Variants in MS4A14 observed in about 807,000 individuals in gnomAD.
MS4A14 encodes the protein membrane spanning 4-domains A14.
A neutral mutation model predicts 16.7 loss-of-function variants in MS4A14; 18 were observed. That is an observed-to-expected ratio of 1.08 (90% CI 0.75 to 1.60). MS4A14 has a LOEUF of 1.60. Among genes scored for constraint, MS4A14 ranks in the 40% most tolerant of loss-of-function variants. The probability of loss-of-function intolerance (pLI) is 0.00; values close to 1 mark genes in which losing one functional copy is unlikely to be tolerated. For synonymous variants in MS4A14, 305 were observed against 289.4 expected, an observed-to-expected ratio of 1.05 and a Z score of -0.55; for missense variants, 812 against 775.3, an observed-to-expected ratio of 1.05 and a Z score of -0.56.
At chr11:60,413,216 T>TCCCATAGC (rs1344986452) in intron 4 of MS4A14, among the ~76,000 whole-genome samples, 1 of 151,904 alleles carries the variant, frequency 6.6e-6, no homozygotes, top group Non-Finnish European at 1.5e-5. Context: ...ACTTATTAGT[T>TCCCATAGC]CCCATAGCTT....
chr11:60,410,616 T>C (rs2085854648), intron 4 of MS4A14, among the ~76,000 whole-genome samples: 1 of 152,190 alleles, frequency 6.6e-6, no homozygotes, highest in South Asian at 2.1e-4. Flanking sequence ...AATGTTTGTA[T>C]ATGGTATAAG....
Position 60,415,789 on chromosome 11 carries a change from T to C in MS4A14, c.821T>C (p.Met274Thr). The C allele has an allele frequency of 6.2e-7, 1 of 1,613,740 alleles. No individual in the cohort carries two copies. ...CAGCTAGACTCTACATTTAAACAAA[T>C]GAAAGATGAAGATCTACAATCTGCT... ...SIQLDSTFKQ[M>T]KDEDLQSAIV... is the part of the protein sequence containing the mutation. The change falls in exon 5 of 5, where the codon ATG becomes ACG. Residue 274 changes from methionine to threonine, a missense_variant. Met to Thr is a moderately conservative substitution (Grantham distance 81). Transcript: ENST00000300187.
rs571961958 is a variant in MS4A14, at chr11:60,416,105, T to C, written c.1137T>C (p.Asp379=). The part of the protein sequence containing the change: ...DMLFHDMTSQ[D]MQSLDMLSQD... ...TGTTTCATGACATGACATCCCAAGA[T>C]ATGCAATCCCTAGATATGCTATCTC... is the stretch of plus-strand genomic sequence containing the variant. Residue 379 remains aspartate, a synonymous_variant, in exon 5 of 5, where the codon GAT becomes GAC. Transcript: ENST00000300187. 3.6e-5 allele frequency: 58 copies of C among 1,609,596 alleles called. No individual in the cohort carries two copies. Among genetic ancestry groups the C allele is most frequent in the Non-Finnish European group, 3.6e-5 (42 of 1,177,794 alleles).
Position 60,415,893 on chromosome 11 carries a change from G to A in MS4A14, c.925G>A (p.Ala309Thr). 1 of 1,613,806 alleles carries A rather than the reference G, an allele frequency of 6.2e-7. No individual in the cohort carries two copies. The highest frequency in any genetic ancestry group is 8.5e-7 in the Non-Finnish European group (1 of 1,179,918). ...ASLQVFPSHS[A>T]LKLEDISPED... ...ACTCCAAGTTTTTCCATCCCATTCT[G>A]CACTAAAACTCGAAGATATATCACC... is the stretch of plus-strand genomic sequence containing the variant. Residue 309 changes from alanine (A) to threonine (T), a missense_variant, in exon 5 of 5, where the codon GCA (alanine) becomes ACA (threonine). Transcript: ENST00000300187.
chr11:60,403,771 T>A (rs753205208), intron 4 of MS4A14, among the ~76,000 whole-genome samples: 3 of 152,202 alleles, frequency 2.0e-5, no homozygotes, highest in Admixed American at 1.3e-4. Context: ...TTTTATTTTA[T>A]TCCTACCAGC....
chr11:60,406,060 T>A (rs2085781989), intron 4 of MS4A14: 4 of 917,428 alleles, frequency 4.4e-6, no homozygotes, highest in South Asian at 4.1e-5. Context: ...CACACAATGA[T>A]GTCTGATTTA....
intron 4 of MS4A14, among the ~76,000 whole-genome samples, chr11:60,413,723 A>G (rs529176083): frequency 6.7e-4 from 102 of 152,252 alleles, no homozygotes; most frequent in African/African-American, 2.4e-3. Flanking sequence ...GGATTCAAAA[A>G]TAATAAAATA....
At chr11:60,405,064 G>A (rs2085767010) in intron 4 of MS4A14, among the ~76,000 whole-genome samples, 1 of 151,922 alleles carries the variant, frequency 6.6e-6, no homozygotes, top group Non-Finnish European at 1.5e-5. Context: ...TCAAGGTTAA[G>A]TGGGACTTTG....
At position 60,397,995 on chromosome 11, in the gene MS4A14, T is replaced by C. The variant is rs2085655116; in HGVS notation, c.267+15T>C. The C allele has an allele frequency of 6.2e-6, 10 of 1,611,860 alleles. No homozygotes were observed. The highest frequency in any genetic ancestry group is 8.5e-6 in the Non-Finnish European group (10 of 1,178,628). On this transcript the variant is annotated intron_variant, in intron 2 of 4. Coordinates refer to ENST00000300187, the MANE Select transcript of MS4A14 (RefSeq NM_032597.5). The stretch of plus-strand genomic sequence containing the variant: ...GAGCACTTATTGTGAGTACTGTCGA[T>C]TAGAAGCTTTGGAGAAATTGCTATA...
At position 60,417,201 on chromosome 11, in the gene MS4A14, T is replaced by C. The variant is rs1198030609; in HGVS notation, c.*193T>C. The C allele has an allele frequency of 4.9e-6, 3 of 608,094 alleles. No homozygotes were observed. The highest frequency in any genetic ancestry group is 8.1e-6 in the Non-Finnish European group (3 of 369,546). 37.7% of individuals were successfully genotyped at this position (608,094 alleles called of 1,614,324 possible). ...ACTCAAGATAAAGACCAACAAGACC[T>C]TCAATCCAGAGTTACACAAAAAGGA... On this transcript the variant is annotated 3_prime_UTR_variant, in exon 5 of 5. Transcript: ENST00000300187.
Position 60,415,497 on chromosome 11 carries a change from A to G in MS4A14, c.529A>G (p.Asn177Asp), listed in dbSNP as rs7131283. ...TAGTGAACAACCTGCCCCAGAAGAA[A>G]ATGATCAATTACAATTTGTGCTTCA... The part of the protein sequence containing the change: ...QNSEQPAPEE[N>D]DQLQFVLQEE... The change falls in exon 5 of 5, where the codon AAT (asparagine) becomes GAT (aspartate). Residue 177 changes from asparagine to aspartate, a missense_variant. Asn to Asp is a conservative substitution (Grantham distance 23). Coordinates refer to ENST00000300187, the MANE Select transcript of MS4A14 (RefSeq NM_032597.5). 1 of 1,613,166 alleles carries G rather than the reference A, an allele frequency of 6.2e-7. No homozygotes were observed. The highest frequency in any genetic ancestry group is 8.5e-7 in the Non-Finnish European group (1 of 1,179,630).
chr11:60,398,052 G>T, intron 2 of MS4A14, 72 bp downstream of exon 2: 3 of 1,521,848 alleles, frequency 2.0e-6, no homozygotes, highest in South Asian at 1.2e-5. Context: ...ACGTCCTAGG[G>T]TAATGAATTC....
chr11:60,398,677 T>C (rs1043003979), intron 2 of MS4A14, among the ~76,000 whole-genome samples: 2 of 152,158 alleles, frequency 1.3e-5, no homozygotes, highest in Admixed American at 6.5e-5. Flanking sequence ...AATGAATCAA[T>C]CAATCAATCA....
At chr11:60,411,881 A>G (rs1002210901) in intron 4 of MS4A14, among the ~76,000 whole-genome samples, 1 of 152,148 alleles carries the variant, frequency 6.6e-6, no homozygotes, top group Admixed American at 6.5e-5. Flanking sequence ...TTCACCACTG[A>G]GTATGATATT....
At chr11:60,402,253 GA>G (rs2085725598) in intron 3 of MS4A14, among the ~76,000 whole-genome samples, 1 of 148,658 alleles carries the variant, frequency 6.7e-6, no homozygotes, top group Non-Finnish European at 1.5e-5. Context: ...ATGAGTTCAA[GA>G]AAAAACACCT....
Position 60,415,543 on chromosome 11 carries a change from A to T in MS4A14, c.575A>T (p.Asp192Val), listed in dbSNP as rs757889474. 12 of 1,613,676 alleles carry T rather than the reference A, an allele frequency of 7.4e-6. No individual in the cohort carries two copies. The Admixed American group carries it at 1.5e-4, about 20-fold the overall frequency. Residue 192 changes from aspartate to valine, a missense_variant, in exon 5 of 5, where the codon GAT becomes GTT. Transcript: ENST00000300187. ...CTTCAAGAAGAGTTTTCCAGTGATG[A>T]TTCAACAACAAATGCACAATCTGTT... is the stretch of plus-strand genomic sequence containing the variant. ...FVLQEEFSSD[D>V]STTNAQSVIF... is the part of the protein sequence containing the mutation.
chr11:60,404,724 T>C (rs570126869), intron 4 of MS4A14: 6 of 401,378 alleles, frequency 1.5e-5, no homozygotes, highest in South Asian at 1.1e-4. Context: ...TACCACTTCT[T>C]TAAGGAAGTT....
At chr11:60,396,762 A>G (rs2135117368) in intron 1 of MS4A14, 46 bp downstream of exon 1, 2 of 1,580,080 alleles carry the variant, frequency 1.3e-6, no homozygotes, top group Non-Finnish European at 1.7e-6. Context: ...GGAGAAAAGA[A>G]GTTTATTTAT....
At position 60,400,419 on chromosome 11, in the gene MS4A14, T is replaced by C. The variant is rs780301996; in HGVS notation, c.283T>C (p.Tyr95His). The change falls in exon 3 of 5, where the codon TAC becomes CAC. Residue 95 changes from tyrosine to histidine, a missense_variant. Physicochemically the swap from Tyr to His is moderately conservative, Grantham distance 83. Transcript: ENST00000300187. ...WGALIFILTG[Y>H]LTVTDKKSKL... ...TTCTTAACAGTTTATTCTTACAGGATACCTCACAGTAACCGATAAGAAATC... is the reference window on the plus strand; with the variant it reads ...TTCTTAACAGTTTATTCTTACAGGACACCTCACAGTAACCGATAAGAAATC... 8 of 1,605,860 alleles carry C rather than the reference T, an allele frequency of 5.0e-6. No individual in the cohort carries two copies. The highest frequency in any genetic ancestry group is 6.8e-6 in the Non-Finnish European group (8 of 1,173,940).
Sources: allele counts gnomAD v4.1 joint callset (sites outside exome capture counted in the v4.1 genomes callset), GRCh38; gene constraint gnomAD v4.1.1; transcripts MANE v1.5; gene names NCBI Gene and HGNC (gene_info 2026-07-23, HGNC 2026-07-21).